The following KCNQ5 variants were observed in gnomAD, a reference collection of about 807,000 sequenced individuals.
KCNQ5 encodes potassium voltage-gated channel subfamily Q member 5.
Under a neutral mutation model 98.2 loss-of-function variants are expected in KCNQ5, and 30 were observed. The observed-to-expected ratio is 0.31, with a 90% CI of 0.23 to 0.41. The LOEUF is 0.41. Ranked by LOEUF, KCNQ5 falls within the 10% of genes least tolerant of loss-of-function variation. The probability of loss-of-function intolerance (pLI) is 1.00; values close to 1 mark genes in which losing one functional copy is unlikely to be tolerated. For missense variants in KCNQ5, 835 were observed against 1,182.5 expected (o/e 0.71, Z 4.31); for synonymous variants, 458 against 449.4 (o/e 1.02, Z -0.24).
At chr6:73,074,323 G>A (rs1003983353) in intron 3 of KCNQ5, among the ~76,000 whole-genome samples, 1 of 152,192 alleles carries the variant, frequency 6.6e-6, no homozygotes, top group African/African-American at 2.4e-5. Context: ...TCCAGTGGAT[G>A]ACTGTAACCC....
chr6:72,665,113 C>T (rs896086181), intron 1 of KCNQ5, among the ~76,000 whole-genome samples: 1 of 151,970 alleles, frequency 6.6e-6, no homozygotes, highest in East Asian at 1.9e-4. Context: ...TTTGGGAGGC[C>T]ACGGTAGGTG....
chr6:73,076,199 T>G (rs2150390385), intron 3 of KCNQ5, among the ~76,000 whole-genome samples: 1 of 152,254 alleles, frequency 6.6e-6, no homozygotes, highest in South Asian at 2.1e-4. Context: ...CCTTTCTCAG[T>G]GCAGGGAGAA....
intron 1 of KCNQ5, among the ~76,000 whole-genome samples, chr6:72,956,208 T>C (rs1426162125): frequency 6.6e-6 from 1 of 152,232 alleles, no homozygotes; most frequent in Non-Finnish European, 1.5e-5. Context: ...TGACAACATC[T>C]TTATTTTACA....
rs1238205710 is a variant in KCNQ5, at chr6:73,195,105, G to C, written c.2490G>C (p.Leu830Phe). 3 of 1,614,098 alleles carry C rather than the reference G, an allele frequency of 1.9e-6. No individual in the cohort carries two copies. Among genetic ancestry groups the C allele is most frequent in the East Asian group, 2.2e-5 (1 of 44,900 alleles). ...TGCCGAAGGACTTGGGCAAATCTTT[G>C]TCTGTGCAAAACCTGATCAGGTCGA... is the stretch of plus-strand genomic sequence containing the variant. ...PMVPKDLGKS[L>F]SVQNLIRSTE... is the part of the protein sequence containing the mutation. The change falls in exon 14 of 14, where the codon TTG (leucine) becomes TTC (phenylalanine). Residue 830 changes from leucine (L) to phenylalanine (F), a missense_variant. Transcript: ENST00000370398.
intron 1 of KCNQ5, among the ~76,000 whole-genome samples, chr6:72,660,973 G>T (rs981202787): frequency 6.6e-6 from 1 of 151,964 alleles, no homozygotes; most frequent in Non-Finnish European, 1.5e-5. Flanking sequence ...TAGAGGTCTC[G>T]TGTGTAGGTG....
chr6:73,123,124 TAAA>T (rs529127166), intron 8 of KCNQ5, among the ~76,000 whole-genome samples: 5 of 132,014 alleles, frequency 3.8e-5, no homozygotes, highest in Admixed American at 7.7e-5. Flanking sequence ...GCAGTTGGAG[TAAA>T]AAAAAAAAAA....
chr6:73,060,217 G>A (rs1206374943), intron 3 of KCNQ5, among the ~76,000 whole-genome samples: 1 of 152,062 alleles, frequency 6.6e-6, no homozygotes, highest in Non-Finnish European at 1.5e-5. Context: ...TCTGCCAAAT[G>A]TCTCCCCTTG....
intron 1 of KCNQ5, among the ~76,000 whole-genome samples, chr6:72,862,397 A>G (rs1294061433): frequency 2.0e-5 from 3 of 152,182 alleles, no homozygotes. Context: ...CTAGCAAATA[A>G]CTTGCTTCCT....
Position 73,194,922 on chromosome 6 carries a change from C to T in KCNQ5, c.2307C>T (p.Asn769=), listed in dbSNP as rs764296396. The T allele has an allele frequency of 1.9e-6, 3 of 1,614,210 alleles. No individual in the cohort carries two copies. Among genetic ancestry groups the T allele is most frequent in the Non-Finnish European group, 2.5e-6 (3 of 1,180,042 alleles). Residue 769 remains asparagine, a synonymous_variant, in exon 14 of 14, where the codon AAC becomes AAT. Transcript: ENST00000370398. Reference sequence around the variant, plus strand: ...CCAGGCCAGAAACTCTGCACCCTAACCCTGCAGGCTTACAGGAAAGCATTT... The same window carrying T: ...CCAGGCCAGAAACTCTGCACCCTAATCCTGCAGGCTTACAGGAAAGCATTT... ...HLPRPETLHP[N]PAGLQESISD... is the part of the protein sequence containing the mutation.
chr6:72,694,275 C>T (rs1017786759), intron 1 of KCNQ5, among the ~76,000 whole-genome samples: 1 of 152,086 alleles, frequency 6.6e-6, no homozygotes, highest in African/African-American at 2.4e-5. Flanking sequence ...CTCAGAGAGG[C>T]CTTGCATAAA....
At chr6:72,914,983 C>A (rs1461682692) in intron 1 of KCNQ5, among the ~76,000 whole-genome samples, 1 of 151,960 alleles carries the variant, frequency 6.6e-6, no homozygotes, top group Non-Finnish European at 1.5e-5. Context: ...GAGAAGGTTG[C>A]CTTTTCTATG....
At chr6:73,133,918 C>G (rs1359367389) in intron 10 of KCNQ5, 11 of 562,308 alleles carry the variant, frequency 2.0e-5, no homozygotes, top group Non-Finnish European at 3.5e-5. Context: ...ATTTATTTCT[C>G]AGACAAGGGC....
At chr6:72,958,229 G>A (rs563732896) in intron 1 of KCNQ5, among the ~76,000 whole-genome samples, 1 of 152,326 alleles carries the variant, frequency 6.6e-6, no homozygotes, top group East Asian at 1.9e-4. Flanking sequence ...TAGAGAGGTA[G>A]TCAATGTGAT....
chr6:73,144,329 A>G (rs764666560), intron 10 of KCNQ5, among the ~76,000 whole-genome samples: 4 of 152,216 alleles, frequency 2.6e-5, no homozygotes, highest in Non-Finnish European at 5.9e-5. Context: ...AATGCATAAC[A>G]ACAATTTCTG....
chr6:73,028,524 C>T (rs140317856), intron 2 of KCNQ5, among the ~76,000 whole-genome samples: 3 of 152,306 alleles, frequency 2.0e-5, no homozygotes, highest in Admixed American at 1.3e-4. Flanking sequence ...TTCCTGTGCA[C>T]GTTGCTCTAG....
At chr6:72,837,278 G>T (rs74949479) in intron 1 of KCNQ5, among the ~76,000 whole-genome samples, 4,435 of 152,186 alleles carry the variant, frequency 0.029, 227 homozygotes, top group African/African-American at 0.1. Context: ...ATACTTTACT[G>T]GCTGTATCCT....
chr6:72,983,729 G>T (rs966131451), intron 1 of KCNQ5, among the ~76,000 whole-genome samples: 2 of 152,180 alleles, frequency 1.3e-5, no homozygotes, highest in African/African-American at 4.8e-5. Flanking sequence ...GTGAGGCGCT[G>T]CGATCCTTTG....
At chr6:72,983,992 C>G (rs1433836420) in intron 1 of KCNQ5, among the ~76,000 whole-genome samples, 3 of 152,180 alleles carry the variant, frequency 2.0e-5, no homozygotes, top group Admixed American at 6.5e-5. Flanking sequence ...CACTCCAGAC[C>G]CTGTTTTCCT....
At chr6:72,983,114 C>T (rs576799161) in intron 1 of KCNQ5, among the ~76,000 whole-genome samples, 29 of 152,306 alleles carry the variant, frequency 1.9e-4, no homozygotes, top group African/African-American at 6.3e-4. Context: ...TTTTTTCCTT[C>T]ATTTCAACCT....
Sources: allele counts gnomAD v4.1 joint callset (sites outside exome capture counted in the v4.1 genomes callset), GRCh38; gene constraint gnomAD v4.1.1; transcripts MANE v1.5; gene names NCBI Gene and HGNC (gene_info 2026-07-23, HGNC 2026-07-21).